GPATCH2L: variants seen among roughly 807,000 people sequenced by gnomAD.
GPATCH2L encodes G patch domain-containing protein 2-like.
In GPATCH2L, 31 loss-of-function variants were observed where a neutral mutation model predicts 57.4. The ratio of observed to expected loss-of-function variants is 0.54; its 90% CI spans 0.41 to 0.73. GPATCH2L has a LOEUF of 0.73. GPATCH2L is among the 30% of genes least tolerant of loss of function. GPATCH2L has a pLI of 0.00. For missense variants in GPATCH2L, 481 were observed against 599.9 expected (o/e 0.80, Z 2.07); for synonymous variants, 199 against 210.7 (o/e 0.94, Z 0.48).
intron 7 of GPATCH2L, chr14:76,178,446 G>A (rs2039427519): frequency 3.5e-6 from 1 of 289,524 alleles, no homozygotes; most frequent in Non-Finnish European, 6.7e-6. Flanking sequence ...GCGTGGTGAG[G>A]GGGGTGGTTT....
chr14:76,179,378 G>A (rs2039470677), intron 7 of GPATCH2L: 1 of 152,228 alleles, frequency 6.6e-6, no homozygotes, highest in African/African-American at 2.4e-5. Context: ...ACAGGTTGTA[G>A]GCAGATAAGG....
chr14:76,191,693 G>A (rs1386486694), intron 8 of GPATCH2L, among the ~76,000 whole-genome samples: 1 of 151,744 alleles, frequency 6.6e-6, no homozygotes, highest in East Asian at 1.9e-4. Flanking sequence ...ATATTTATGG[G>A]GTACACAGTG....
At chr14:76,215,793 C>A (rs1566826839), downstream of GPATCH2L, among the ~76,000 whole-genome samples, 1 of 149,532 alleles carries the variant, frequency 6.7e-6, no homozygotes, top group Non-Finnish European at 1.5e-5. Context: ...GGAGGGATGG[C>A]ATCGGGAGAT....
Position 76,204,956 on chromosome 14 carries a change from TTTGTTGTTGTTG to T in GPATCH2L, c.*3120_*3131del, listed in dbSNP as rs373952133. ...AAGGAACAAAACTCCTGTGTTGCCT[TTTGTTGTTGTTG>T]TTGTTGTTGTTGTTTCCTAGAGACA... is the stretch of plus-strand genomic sequence containing the variant. On this transcript the variant is annotated 3_prime_UTR_variant, in exon 10 of 10. Coordinates refer to ENST00000261530, the MANE Select transcript of GPATCH2L (RefSeq NM_017926.4). 1.3e-5 allele frequency: 2 copies of T among 151,840 alleles called. No homozygotes were observed. Among genetic ancestry groups the T allele is most frequent in the African/African-American group, 4.8e-5 (2 of 41,362 alleles). 9.4% of individuals were successfully genotyped at this position (151,840 alleles called of 1,614,324 possible).
chr14:76,176,528 G>T, intron 5 of GPATCH2L, 95 bp from the exon 6 acceptor site: 1 of 824,496 alleles, frequency 1.2e-6, no homozygotes, highest in East Asian at 2.5e-5. Context: ...TTTTGAGGTT[G>T]CCTTAGCTGG....
chr14:76,170,994 G>A (rs1263985531), intron 3 of GPATCH2L, among the ~76,000 whole-genome samples: 1 of 152,126 alleles, frequency 6.6e-6, no homozygotes, highest in Non-Finnish European at 1.5e-5. Flanking sequence ...GATCCTGGTA[G>A]GTTGTAAGGG....
intron 9 of GPATCH2L, among the ~76,000 whole-genome samples, chr14:76,198,177 C>G (rs141132721): frequency 2.0e-5 from 3 of 152,110 alleles, no homozygotes; most frequent in Admixed American, 2.0e-4. Context: ...CCCTCCTTTA[C>G]GGCTTTCTAG....
chr14:76,165,728 A>T (rs1053346266), intron 2 of GPATCH2L, among the ~76,000 whole-genome samples: 19 of 152,230 alleles, frequency 1.2e-4, no homozygotes, highest in African/African-American at 3.9e-4. Flanking sequence ...TGTTGGAAGG[A>T]CATTTGGAAA....
intron 3 of GPATCH2L, among the ~76,000 whole-genome samples, chr14:76,167,317 A>T (rs1321993745): frequency 6.6e-6 from 1 of 152,210 alleles, no homozygotes; most frequent in East Asian, 1.9e-4. Flanking sequence ...AGGGTATTTT[A>T]GAAAATGTTT....
At chr14:76,171,689 T>G (rs956806514) in intron 3 of GPATCH2L, among the ~76,000 whole-genome samples, 154 bp from the exon 4 acceptor site, 7 of 151,310 alleles carry the variant, frequency 4.6e-5, no homozygotes, top group African/African-American at 1.5e-4. Context: ...CGCCACTGCA[T>G]TCCAGCCTGG....
Position 76,210,563 on chromosome 14 carries a change from G to A in GPATCH2L, c.*8712G>A, listed in dbSNP as rs779661837. 2 of 152,122 alleles carry A rather than the reference G, an allele frequency of 1.3e-5. No individual in the cohort carries two copies. Among genetic ancestry groups the A allele is most frequent in the East Asian group, 1.9e-4 (1 of 5,192 alleles). The allele number at this position is 152,122 out of a possible 1,614,324, so 9.4% of individuals were successfully genotyped here. A position where few individuals can be genotyped will look rare whatever the true frequency, so the allele number is the denominator to read the frequency against. On this transcript the variant is annotated 3_prime_UTR_variant, in exon 10 of 10. Coordinates refer to ENST00000261530, the MANE Select transcript of GPATCH2L (RefSeq NM_017926.4). ...CGTACATGATTGAAAGGAGATAGCC[G>A]GTTTCTGTGACATCCTCTTATAACA...
rs1449110085 is a variant in GPATCH2L, at chr14:76,154,545, A to T, written c.182A>T (p.Tyr61Phe). Residue 61 changes from tyrosine (Y) to phenylalanine (F), a missense_variant, in exon 2 of 10, where the codon TAC becomes TTC. Tyr to Phe is a conservative substitution (Grantham distance 22). Transcript: ENST00000261530. The surrounding 1 kb of genome is among the most constrained non-coding windows in gnomAD (Gnocchi z 4.4). The stretch of plus-strand genomic sequence containing the variant: ...CACCTGGCAGAGCATACCTGCTGCT[A>T]CAGCGAGGCCTCTGAGTCAAGTCTG... The part of the protein sequence containing the change: ...FTHLAEHTCC[Y>F]SEASESSLDE... 2.5e-6 allele frequency: 4 copies of T among 1,614,112 alleles called. No homozygotes were observed. In the African/African-American group the frequency reaches 5.3e-5, roughly 22 times the overall value.
chr14:76,152,676 G>A (rs1310384610), intron 1 of GPATCH2L: 1 of 456,006 alleles, frequency 2.2e-6, no homozygotes, highest in Non-Finnish European at 4.4e-6. Flanking sequence ...TGGAATTACA[G>A]GCTTTGAGGC....
intron 5 of GPATCH2L, 177 bp downstream of exon 5, chr14:76,173,802 T>TA (rs2039197575): frequency 4.0e-6 from 2 of 503,910 alleles, no homozygotes; most frequent in African/African-American, 3.9e-5. Flanking sequence ...GATATACAAA[T>TA]AAAAGATGAA....
At chr14:76,178,390 G>A in intron 7 of GPATCH2L, 2 of 507,286 alleles carry the variant, frequency 3.9e-6, no homozygotes, top group South Asian at 5.2e-5. Flanking sequence ...ATGTCACCAG[G>A]AACCATTTTT....
chr14:76,161,993 G>A (rs558990669), intron 2 of GPATCH2L, among the ~76,000 whole-genome samples: 2 of 152,188 alleles, frequency 1.3e-5, no homozygotes, highest in East Asian at 1.9e-4. Context: ...CCGAGATCGC[G>A]TCACTGCACT....
At chr14:76,183,790 T>G (rs2039664097) in intron 8 of GPATCH2L, among the ~76,000 whole-genome samples, 1 of 152,168 alleles carries the variant, frequency 6.6e-6, no homozygotes, top group Non-Finnish European at 1.5e-5. Flanking sequence ...CTGATGAGAT[T>G]GGATTCAGAA....
intron 5 of GPATCH2L, chr14:76,175,644 A>G (rs1004443084): frequency 1.3e-5 from 2 of 152,208 alleles, no homozygotes; most frequent in Admixed American, 6.5e-5. Flanking sequence ...AATGCAGAAC[A>G]TGAAGAATAT....
intron 4 of GPATCH2L, 71 bp downstream of exon 4, chr14:76,172,090 A>G (rs1279482500): frequency 1.1e-6 from 1 of 933,022 alleles, no homozygotes; most frequent in Non-Finnish European, 1.6e-6. Flanking sequence ...ACCCCCTAGC[A>G]AGCATACTCA....
Sources: gnomAD v4.1 joint callset for allele counts (sites outside exome capture counted in the v4.1 genomes callset) on GRCh38, gnomAD v4.1.1 for gene constraint, Gnocchi (gnomAD v3.1) non-coding constraint, MANE v1.5 for transcripts, NCBI Gene and HGNC (gene_info 2026-07-23, HGNC 2026-07-21) for gene names.